LRRTM4: variants seen among roughly 807,000 people sequenced by gnomAD.
The protein encoded by LRRTM4 is leucine rich repeat transmembrane neuronal 4, also known as leucine-rich repeat transmembrane neuronal protein 4.
A neutral mutation model predicts 47.6 loss-of-function variants in LRRTM4; 25 were observed. The observed-to-expected ratio is 0.53, with a 90% CI of 0.38 to 0.73. LRRTM4 has a LOEUF of 0.73. Among genes scored for constraint, LRRTM4 ranks in the 30% least tolerant of loss-of-function variants. The pLI, the probability that LRRTM4 is intolerant of heterozygous loss-of-function variation, is 0.00. For missense variants in LRRTM4, 638 were observed against 713.4 expected, an observed-to-expected ratio of 0.89 and a Z score of 1.20; for synonymous variants, 311 against 269.5, an observed-to-expected ratio of 1.15 and a Z score of -1.51.
chr2:77,187,318 C>T (rs182402265), intron 3 of LRRTM4, among the ~76,000 whole-genome samples: 6 of 152,218 alleles, frequency 3.9e-5, no homozygotes, highest in Admixed American at 3.3e-4. Context: ...ATTCTGTGCC[C>T]TCACTGTATC....
At chr2:77,245,026 C>T (rs1675393032) in intron 3 of LRRTM4, among the ~76,000 whole-genome samples, 1 of 152,084 alleles carries the variant, frequency 6.6e-6, no homozygotes, top group Non-Finnish European at 1.5e-5. Context: ...CATTCCTGAC[C>T]CACCTAAAGT....
At chr2:77,000,929 C>G (rs1447547070) in intron 3 of LRRTM4, among the ~76,000 whole-genome samples, 1 of 152,020 alleles carries the variant, frequency 6.6e-6, no homozygotes, top group East Asian at 1.9e-4. Context: ...CACTGTGACT[C>G]CTTAGTATTT....
At chr2:76,997,726 C>G (rs1456048690) in intron 3 of LRRTM4, among the ~76,000 whole-genome samples, 1 of 152,208 alleles carries the variant, frequency 6.6e-6, no homozygotes, top group Middle Eastern at 3.4e-3. Context: ...CAGTACCAGT[C>G]CATGGCCTGT....
intron 3 of LRRTM4, among the ~76,000 whole-genome samples, chr2:77,035,853 T>C (rs1053195706): frequency 6.6e-6 from 1 of 151,814 alleles, no homozygotes; most frequent in South Asian, 2.1e-4. Flanking sequence ...CAATGGCATC[T>C]AACAACCATC....
rs13407005 is a variant in LRRTM4, at chr2:76,963,672, G to T, written c.1552-214756C>A. Among the ~76,000 whole-genome samples, 1,458 of 150,776 alleles carry T rather than the reference G, an allele frequency of 9.7e-3. 25 individuals are homozygous for T. The highest frequency in any genetic ancestry group is 0.034 in the African/African-American group (1,410 of 41,382). ...ATGTTTTCAAAGCCTTAGGATTTTC[G>T]TACTGTTTCATACTGCTTTTCCATA... On this transcript the variant is annotated intron_variant, in intron 3 of 3. Transcript: ENST00000409884.
intron 3 of LRRTM4, among the ~76,000 whole-genome samples, chr2:77,090,945 T>C (rs964620021): frequency 4.4e-4 from 67 of 152,102 alleles, no homozygotes; most frequent in Non-Finnish European, 7.5e-4. Flanking sequence ...TCTTAATCAA[T>C]ACGGAGGCTA....
At chr2:77,480,206 A>G (rs1431701891) in intron 3 of LRRTM4, among the ~76,000 whole-genome samples, 1 of 151,692 alleles carries the variant, frequency 6.6e-6, no homozygotes, top group Admixed American at 6.6e-5. Flanking sequence ...GGTGAAGTTG[A>G]CATTTGTTAA....
chr2:77,447,092 T>C (rs1287316819), intron 3 of LRRTM4, among the ~76,000 whole-genome samples: 1 of 152,104 alleles, frequency 6.6e-6, no homozygotes, highest in Non-Finnish European at 1.5e-5. Context: ...TTATTGCATA[T>C]ACAATGTGAA....
chr2:77,125,066 T>G (rs994052938), intron 3 of LRRTM4, among the ~76,000 whole-genome samples: 4 of 152,196 alleles, frequency 2.6e-5, no homozygotes, highest in African/African-American at 9.7e-5. Context: ...CTATTTTTAA[T>G]TGAGATGGAA....
intron 3 of LRRTM4, among the ~76,000 whole-genome samples, chr2:77,450,446 C>T (rs1391711464): frequency 6.6e-6 from 1 of 152,114 alleles, no homozygotes; most frequent in East Asian, 1.9e-4. Context: ...ACCTAAATTT[C>T]AATCTTTAGT....
intron 3 of LRRTM4, among the ~76,000 whole-genome samples, chr2:77,467,643 C>T (rs995425740): frequency 6.6e-6 from 1 of 152,130 alleles, no homozygotes; most frequent in African/African-American, 2.4e-5. Context: ...GGCCCAAGCA[C>T]AGCAGTTTAT....
intron 3 of LRRTM4, among the ~76,000 whole-genome samples, chr2:76,968,712 C>T (rs1676121002): frequency 6.6e-6 from 1 of 151,458 alleles, no homozygotes; most frequent in African/African-American, 2.4e-5. Flanking sequence ...CTAGTAAATC[C>T]ACACTCTCCG....
intron 3 of LRRTM4, among the ~76,000 whole-genome samples, chr2:76,889,968 ATGTATGAG>A (rs1325654024): frequency 1.3e-5 from 2 of 151,962 alleles, no homozygotes; most frequent in African/African-American, 4.8e-5. Context: ...CTAGTTGTAG[ATGTATGAG>A]TGCAGTGCAG....
chr2:77,295,595 T>G (rs1676949750), intron 3 of LRRTM4, among the ~76,000 whole-genome samples: 1 of 152,140 alleles, frequency 6.6e-6, no homozygotes, highest in Non-Finnish European at 1.5e-5. Context: ...AAATGTATTT[T>G]CTCATAGTTC....
At chr2:77,333,072 G>T (rs759108831) in intron 3 of LRRTM4, among the ~76,000 whole-genome samples, 4 of 152,168 alleles carry the variant, frequency 2.6e-5, no homozygotes, top group Non-Finnish European at 5.9e-5. Context: ...TTCATCTGCT[G>T]TCATTTACAT....
At chr2:76,958,956 C>T (rs941091774) in intron 3 of LRRTM4, among the ~76,000 whole-genome samples, 1 of 149,818 alleles carries the variant, frequency 6.7e-6, no homozygotes, top group Non-Finnish European at 1.5e-5. Context: ...GTGTAAAGCC[C>T]AAAAGGGACT....
intron 3 of LRRTM4, among the ~76,000 whole-genome samples, chr2:77,238,691 T>C (rs1675177360): frequency 1.3e-5 from 2 of 151,982 alleles, no homozygotes; most frequent in Non-Finnish European, 2.9e-5. Context: ...GAGTCAAAGT[T>C]ACAGATAGCC....
chr2:77,363,708 T>C (rs1368960186), intron 3 of LRRTM4, among the ~76,000 whole-genome samples: 3 of 152,142 alleles, frequency 2.0e-5, no homozygotes, highest in Non-Finnish European at 4.4e-5. Context: ...AAGTCCTTGA[T>C]AAAAAGGGGA....
chr2:77,044,482 A>G (rs1438672661), intron 3 of LRRTM4, among the ~76,000 whole-genome samples: 1 of 151,724 alleles, frequency 6.6e-6, no homozygotes, highest in Non-Finnish European at 1.5e-5. Context: ...CTGAAAGTTG[A>G]CATTCAAATG....
Sources: gnomAD v4.1 joint callset for allele counts (sites outside exome capture counted in the v4.1 genomes callset) on GRCh38, gnomAD v4.1.1 for gene constraint, MANE v1.5 for transcripts, NCBI Gene and HGNC (gene_info 2026-07-23, HGNC 2026-07-21) for gene names.